TSGA13: variants seen among roughly 807,000 people sequenced by gnomAD.
TSGA13 encodes testis specific 13, also known as testis-specific gene 13 protein.
Under a neutral mutation model 35.1 loss-of-function variants are expected in TSGA13, and 37 were observed. The ratio of observed to expected loss-of-function variants is 1.05; its 90% CI spans 0.81 to 1.39. TSGA13 has a LOEUF of 1.39. Ranked by LOEUF, TSGA13 falls within the 40% of genes most tolerant of loss-of-function variation. The pLI, the probability that TSGA13 is intolerant of heterozygous loss-of-function variation, is 0.00. For synonymous variants in TSGA13, 124 were observed against 121.2 expected, an observed-to-expected ratio of 1.02 and a Z score of -0.15; for missense variants, 338 against 328.5, an observed-to-expected ratio of 1.03 and a Z score of -0.22.
chr7:130,680,658 T>A (rs1044021428), intron 4 of TSGA13, among the ~76,000 whole-genome samples: 1 of 151,942 alleles, frequency 6.6e-6, no homozygotes, highest in South Asian at 2.1e-4. Context: ...AGAAAATGGA[T>A]TACAAATATA....
chr7:130,672,693 G>A, intron 6 of TSGA13, 41 bp downstream of exon 6: 1 of 1,599,184 alleles, frequency 6.3e-7, no homozygotes, highest in Non-Finnish European at 8.5e-7. Context: ...ATAGGGAAAA[G>A]ATAGGAAAGA....
chr7:130,672,811 C>CT lies in TSGA13; in HGVS notation c.452dup (p.Leu152ValfsTer4), dbSNP rs782528606. On this transcript the variant is annotated frameshift_variant, in exon 6 of 8. Transcript: ENST00000356588. LOFTEE classifies it high-confidence loss of function. Reference sequence around the variant, plus strand: ...AGATTGGTTTCAGCTTAGATCTTAACTTTTTTTTCTGAGGCATGCGGGGCA... The same window carrying CT: ...AGATTGGTTTCAGCTTAGATCTTAACTTTTTTTTTCTGAGGCATGCGGGGCA... 4 of 1,613,770 alleles carry CT rather than the reference C, an allele frequency of 2.5e-6. No individual in the cohort carries two copies. The highest frequency in any genetic ancestry group is 3.4e-6 in the Non-Finnish European group (4 of 1,179,844).
Position 130,679,302 on chromosome 7 carries a change from G to A in TSGA13, c.240C>T (p.Asn80=). The A allele has an allele frequency of 6.2e-7, 1 of 1,614,136 alleles. No homozygotes were observed. Among genetic ancestry groups the A allele is most frequent in the Non-Finnish European group, 8.5e-7 (1 of 1,180,010 alleles). Residue 80 remains asparagine (N), a synonymous_variant, in exon 5 of 8, where the codon AAC becomes AAT. Transcript: ENST00000356588. ...GTGTTACTTTTAACATGAAGCTGGT[G>A]TTTTTCCTGTTTTGAGCCAGGAATT... ...LQKFLAQNRK[N]TSFMLKVTQY...
intron 4 of TSGA13, 39 bp from the exon 5 acceptor site, chr7:130,679,406 T>G: frequency 6.5e-7 from 1 of 1,547,496 alleles, no homozygotes; most frequent in Non-Finnish European, 8.8e-7. Flanking sequence ...AAAAAGAGAT[T>G]AGGCCAAGAG....
At chr7:130,681,093 A>G in intron 3 of TSGA13, 76 bp from the exon 4 acceptor site, 1 of 1,267,712 alleles carries the variant, frequency 7.9e-7, no homozygotes, top group South Asian at 1.2e-5. Context: ...ACCTCACCTT[A>G]GTCTCACTGG....
chr7:130,677,846 C>A (rs1337376590), intron 5 of TSGA13, among the ~76,000 whole-genome samples: 1 of 152,214 alleles, frequency 6.6e-6, no homozygotes, highest in Non-Finnish European at 1.5e-5. Context: ...TCCCTACTCA[C>A]TCCCTTTTTC....
intron 4 of TSGA13, among the ~76,000 whole-genome samples, chr7:130,679,782 C>T (rs2116320575): frequency 6.6e-6 from 1 of 152,264 alleles, no homozygotes; most frequent in South Asian, 2.1e-4. Context: ...TCTCAGCCTC[C>T]CAAAGTATGG....
intron 7 of TSGA13, among the ~76,000 whole-genome samples, chr7:130,670,980 T>TA (rs2116295434): frequency 8.5e-6 from 1 of 117,486 alleles, no homozygotes; most frequent in East Asian, 3.1e-4. Context: ...TGTTGGTGCT[T>TA]GGTAAGTGTC....
chr7:130,674,568 C>T (rs906547141), intron 5 of TSGA13, among the ~76,000 whole-genome samples: 1 of 152,166 alleles, frequency 6.6e-6, no homozygotes, highest in Non-Finnish European at 1.5e-5. Flanking sequence ...ATTACATTAT[C>T]TGTGTGATCA....
At chr7:130,674,353 A>C (rs1262881236) in intron 5 of TSGA13, among the ~76,000 whole-genome samples, 1 of 151,450 alleles carries the variant, frequency 6.6e-6, no homozygotes, top group East Asian at 2.0e-4. Context: ...TTGTATTTTT[A>C]GTAGAAACGG....
chr7:130,683,654 T>C lies in TSGA13; in HGVS notation c.42A>G (p.Ser14=). 1 of 1,613,976 alleles carries C rather than the reference T, an allele frequency of 6.2e-7. No individual in the cohort carries two copies. Among genetic ancestry groups the C allele is most frequent in the South Asian group, 1.1e-5 (1 of 91,070 alleles). ...KRQTKFQNGK[S]KTSENSSAKR... Reference sequence around the variant, plus strand: ...TAGCTGAGCTATTTTCTGAAGTCTTTGATTTGCCATTTTGAAACCTGAAAA... The same window carrying C: ...TAGCTGAGCTATTTTCTGAAGTCTTCGATTTGCCATTTTGAAACCTGAAAA... The change falls in exon 3 of 8, where the codon TCA becomes TCG. Residue 14 remains serine (S), a synonymous_variant. Transcript: ENST00000356588.
At chr7:130,672,620 T>C (rs1249378211) in intron 6 of TSGA13, 114 bp downstream of exon 6, 3 of 1,399,922 alleles carry the variant, frequency 2.1e-6, no homozygotes, top group Non-Finnish European at 2.9e-6. Flanking sequence ...AGTCGTGTCT[T>C]ACTATCTTTG....
At position 130,679,332 on chromosome 7, in the gene TSGA13, C is replaced by T; in HGVS notation, c.210G>A (p.Leu70=). Reference sequence around the variant, plus strand: ...TCCTGTTTTGAGCCAGGAATTTCTGCAGGGCAGTGGCCTTCAAAGGCTTAT... The same window carrying T: ...TCCTGTTTTGAGCCAGGAATTTCTGTAGGGCAGTGGCCTTCAAAGGCTTAT... The part of the protein sequence containing the change: ...QYYKPLKATA[L]QKFLAQNRKN... The change falls in exon 5 of 8, where the codon CTG becomes CTA. Residue 70 remains leucine (L), a synonymous_variant. Coordinates refer to ENST00000356588, the MANE Select transcript of TSGA13 (RefSeq NM_052933.4). 6.2e-7 allele frequency: 1 copy of T among 1,613,742 alleles called. No individual in the cohort carries two copies. The highest frequency in any genetic ancestry group is 8.5e-7 in the Non-Finnish European group (1 of 1,179,814).
At chr7:130,679,539 T>G (rs1393354120) in intron 4 of TSGA13, among the ~76,000 whole-genome samples, 172 bp from the exon 5 acceptor site, 2 of 152,194 alleles carry the variant, frequency 1.3e-5, no homozygotes, top group Non-Finnish European at 2.9e-5. Context: ...AGACGGAGTC[T>G]CACTCTGGTG....
rs547588262 is a variant in TSGA13, at chr7:130,682,362, C to T, written c.102+1232G>A. On this transcript the variant is annotated intron_variant, in intron 3 of 7. Coordinates refer to ENST00000356588, the MANE Select transcript of TSGA13 (RefSeq NM_052933.4). Reference sequence around the variant, plus strand: ...TTTGAACTCCTGACCTCCAGTGATCCGCCCACCTTGGCCTCCCAAAGTGCT... The same window carrying T: ...TTTGAACTCCTGACCTCCAGTGATCTGCCCACCTTGGCCTCCCAAAGTGCT... 5.8e-4 allele frequency among the ~76,000 whole-genome samples: 89 copies of T among 152,202 alleles called. 1 individual carries two copies. Among genetic ancestry groups the T allele is most frequent in the African/African-American group, 2.0e-3 (82 of 41,512 alleles).
chr7:130,670,527 T>G (rs1415778518), intron 7 of TSGA13, among the ~76,000 whole-genome samples: 1 of 152,188 alleles, frequency 6.6e-6, no homozygotes, highest in Non-Finnish European at 1.5e-5. Context: ...TGCCCTGAAA[T>G]TCTTCATTGG....
Position 130,680,954 on chromosome 7 carries a change from G to C in TSGA13, c.166C>G (p.Pro56Ala). ...LENLRHYTVH[P>A]NLAQYYKPLK... Reference sequence around the variant, plus strand: ...ATGCTTTCTCTACCTACCAAATTTGGATGGACTGTGTAATGCCGAAGGTTC... The same window carrying C: ...ATGCTTTCTCTACCTACCAAATTTGCATGGACTGTGTAATGCCGAAGGTTC... Residue 56 changes from proline to alanine, a missense_variant, in exon 4 of 8, where the codon CCA becomes GCA. Transcript: ENST00000356588. 1 of 1,614,060 alleles carries C rather than the reference G, an allele frequency of 6.2e-7. No individual in the cohort carries two copies. Among genetic ancestry groups the C allele is most frequent in the South Asian group, 1.1e-5 (1 of 91,064 alleles).
chr7:130,669,841 T>G (rs1336351123), intron 7 of TSGA13, among the ~76,000 whole-genome samples: 1 of 152,246 alleles, frequency 6.6e-6, no homozygotes, highest in Non-Finnish European at 1.5e-5. Context: ...ACTTTGTAGG[T>G]GGAGTTTTCT....
chr7:130,674,878 T>C (rs1796372926), intron 5 of TSGA13, among the ~76,000 whole-genome samples: 1 of 152,236 alleles, frequency 6.6e-6, no homozygotes, highest in Non-Finnish European at 1.5e-5. Context: ...AGTTTTGCAA[T>C]TATAATGGCA....
Sources: gnomAD v4.1 joint callset for allele counts (sites outside exome capture counted in the v4.1 genomes callset) on GRCh38, gnomAD v4.1.1 for gene constraint, MANE v1.5 for transcripts, NCBI Gene and HGNC (gene_info 2026-07-23, HGNC 2026-07-21) for gene names.